The following KCNG3 variants were observed in gnomAD, a reference collection of about 807,000 sequenced individuals.
KCNG3 encodes the protein potassium voltage-gated channel modifier subfamily G member 3.
A neutral mutation model predicts 29.0 loss-of-function variants in KCNG3; 15 were observed. The ratio of observed to expected loss-of-function variants is 0.52; its 90% CI spans 0.35 to 0.80. The LOEUF (loss-of-function observed/expected upper bound fraction) is 0.80, where lower values mean the gene tolerates loss of function less well. Among genes scored for constraint, KCNG3 ranks in the 30% least tolerant of loss-of-function variants. The pLI is 0.01. For missense variants in KCNG3, 512 were observed against 605.7 expected (o/e 0.85, Z 1.62); for synonymous variants, 322 against 248.9 (o/e 1.29, Z -2.76).
At chr2:42,441,699 A>C (rs553890077), downstream of KCNG3, among the ~76,000 whole-genome samples, 1 of 151,006 alleles carries the variant, frequency 6.6e-6, no homozygotes, top group Non-Finnish European at 1.5e-5. Flanking sequence ...TTGCACATGT[A>C]CATTATATAT....
chr2:42,389,038 C>T, the KCNG3 span, among the ~76,000 whole-genome samples: 2 of 152,112 alleles, frequency 1.3e-5, no homozygotes, highest in African/African-American at 2.4e-5. Context: ...CTGTCTCAGC[C>T]TCCCGAGTAG....
chr2:42,428,550 A>T, the KCNG3 span, among the ~76,000 whole-genome samples: 1 of 151,960 alleles, frequency 6.6e-6, no homozygotes, highest in Non-Finnish European at 1.5e-5. Flanking sequence ...AGAGAAAAAA[A>T]CTCTAATTAT....
At chr2:42,428,233 G>T in the KCNG3 span, among the ~76,000 whole-genome samples, 3 of 151,816 alleles carry the variant, frequency 2.0e-5, no homozygotes, top group Middle Eastern at 3.4e-3. Context: ...GCCGAGGCAG[G>T]TGGATCATTT....
chr2:42,400,095 C>T, the KCNG3 span, among the ~76,000 whole-genome samples: 2 of 152,044 alleles, frequency 1.3e-5, no homozygotes, highest in Non-Finnish European at 2.9e-5. Context: ...GGCAACAGAA[C>T]GGGACCCTGT....
chr2:42,471,013 G>A (rs1054394861), intron 1 of KCNG3, among the ~76,000 whole-genome samples: 5 of 152,004 alleles, frequency 3.3e-5, no homozygotes, highest in African/African-American at 7.2e-5. Flanking sequence ...TTAGCCAGGC[G>A]TGGTGGTAAA....
the KCNG3 span, among the ~76,000 whole-genome samples, chr2:42,436,272 G>A: frequency 6.6e-6 from 1 of 152,094 alleles, no homozygotes; most frequent in African/African-American, 2.4e-5. Flanking sequence ...TGGGCACAGG[G>A]TACATGAAAA....
intron 1 of KCNG3, among the ~76,000 whole-genome samples, chr2:42,455,276 G>A (rs1169405564): frequency 2.0e-5 from 3 of 152,128 alleles, no homozygotes; most frequent in Non-Finnish European, 4.4e-5. Flanking sequence ...AAGTTGGACT[G>A]CTCAGCCACA....
At chr2:42,461,118 G>A (rs768829971) in intron 1 of KCNG3, among the ~76,000 whole-genome samples, 3 of 135,108 alleles carry the variant, frequency 2.2e-5, no homozygotes, top group Admixed American at 8.6e-5. Flanking sequence ...CCGAGATCAC[G>A]CCACTGCACT....
chr2:42,446,101 G>A (rs566756165), intron 1 of KCNG3, among the ~76,000 whole-genome samples: 3 of 151,954 alleles, frequency 2.0e-5, no homozygotes, highest in African/African-American at 7.3e-5. Flanking sequence ...AAACCCCAAA[G>A]CTGAGAAAAT....
the KCNG3 span, among the ~76,000 whole-genome samples, chr2:42,398,346 A>G: frequency 6.6e-6 from 1 of 152,138 alleles, no homozygotes; most frequent in Non-Finnish European, 1.5e-5. Flanking sequence ...GGTTGCTTCC[A>G]TCATTTTGGT....
chr2:42,430,617 G>A, the KCNG3 span, among the ~76,000 whole-genome samples: 1 of 151,768 alleles, frequency 6.6e-6, no homozygotes, highest in African/African-American at 2.4e-5. Context: ...TAGGTGTGGT[G>A]GCACACACCT....
chr2:42,448,349 T>G (rs978884702), intron 1 of KCNG3, among the ~76,000 whole-genome samples: 8 of 22,460 alleles, frequency 3.6e-4, no homozygotes, highest in African/African-American at 2.0e-3. Flanking sequence ...TCCCACTTAT[T>G]TATTTATTTA....
In KCNG3 at chr2:42,493,665, G is replaced by T; in HGVS notation, c.-164C>A. On this transcript the variant is annotated 5_prime_UTR_variant, in exon 1 of 2. Coordinates refer to ENST00000306078, the MANE Select transcript of KCNG3 (RefSeq NM_133329.6). ...GCCCTCCGCTGGCCCGGGGGTCCCT[G>T]GGCTCGAGTATCTCCGGCGCTGCTA... is the stretch of plus-strand genomic sequence containing the variant. The T allele has an allele frequency of 2.0e-6, 1 of 490,866 alleles. No homozygotes were observed. The highest frequency in any genetic ancestry group is 3.1e-6 in the Non-Finnish European group (1 of 319,126). The allele number at this position is 490,866 out of a possible 1,614,324, so 30.4% of individuals were successfully genotyped here.
chr2:42,446,422 G>A (rs534033514), intron 1 of KCNG3, among the ~76,000 whole-genome samples: 3 of 151,862 alleles, frequency 2.0e-5, no homozygotes, highest in South Asian at 2.1e-4. Context: ...CAAGTGATCC[G>A]CCCACCTCGA....
chr2:42,431,641 G>T, the KCNG3 span, among the ~76,000 whole-genome samples: 3 of 152,188 alleles, frequency 2.0e-5, no homozygotes, highest in Admixed American at 2.0e-4. Flanking sequence ...AGGAAATGTT[G>T]CTTGCAGATA....
the KCNG3 span, among the ~76,000 whole-genome samples, chr2:42,393,263 T>TA: frequency 0.053 from 7,590 of 143,204 alleles, 209 homozygotes; most frequent in African/African-American, 0.062. Context: ...TCTCTTACAT[T>TA]AAAAAAAAAA....
intron 1 of KCNG3, among the ~76,000 whole-genome samples, chr2:42,451,204 C>CAAAAAAAAAAAAAAAAAAAAAA (rs67651134): frequency 1.6e-5 from 1 of 61,010 alleles, no homozygotes. Flanking sequence ...GACTCCAACT[C>CAAAAAAAAAAAAAAAAAAAAAA]AAAAAAAAAA....
At chr2:42,398,414 A>G in the KCNG3 span, among the ~76,000 whole-genome samples, 3 of 152,004 alleles carry the variant, frequency 2.0e-5, no homozygotes, top group Admixed American at 1.3e-4. Context: ...CAGAGGTAAG[A>G]TGACAGTGTC....
intron 1 of KCNG3, among the ~76,000 whole-genome samples, chr2:42,484,595 G>C (rs1293472663): frequency 2.0e-5 from 3 of 152,210 alleles, no homozygotes; most frequent in African/African-American, 7.2e-5. Context: ...TATGTGCATG[G>C]AAAGTTTCTC....
Sources: allele counts gnomAD v4.1 joint callset (sites outside exome capture counted in the v4.1 genomes callset), GRCh38; gene constraint gnomAD v4.1.1; transcripts MANE v1.5; gene names NCBI Gene and HGNC (gene_info 2026-07-23, HGNC 2026-07-21).